MTRES1: variants seen among roughly 807,000 people sequenced by gnomAD.
MTRES1 encodes the protein uncharacterized protein C6orf203.
MTRES1 carries 11 observed loss-of-function variants against 17.4 expected under a neutral mutation model. That is an observed-to-expected ratio of 0.63 (90% confidence interval 0.40 to 1.05). The LOEUF is 1.05. Among genes scored for constraint, MTRES1 ranks in the 50% least tolerant of loss-of-function variants. The probability of loss-of-function intolerance (pLI) is 0.00; values close to 1 mark genes in which losing one functional copy is unlikely to be tolerated. For synonymous variants in MTRES1, 94 were observed against 99.6 expected (o/e 0.94, Z 0.34); for missense variants, 268 against 276.2 (o/e 0.97, Z 0.21).
chr6:107,043,855 G>A (rs188668913), intron 2 of MTRES1, among the ~76,000 whole-genome samples: 6 of 152,326 alleles, frequency 3.9e-5, no homozygotes, highest in Non-Finnish European at 8.8e-5. Flanking sequence ...GAGGCCGGAC[G>A]CGGTGGTTCA....
At chr6:107,041,224 CAAAA>C (rs55820077) in intron 2 of MTRES1, among the ~76,000 whole-genome samples, 19 of 122,856 alleles carry the variant, frequency 1.5e-4, no homozygotes, top group African/African-American at 2.0e-4. Flanking sequence ...GACTCCGTCT[CAAAA>C]AAAAAAAAAA....
At position 107,051,331 on chromosome 6, in the gene MTRES1, G is replaced by T; in HGVS notation, c.*95G>T. Reference sequence around the variant, plus strand: ...TTTTTATTAAAATAAAGTTCTCTTAGCGTTTGTGGAATCTGCCGAGCCATT... The same window carrying T: ...TTTTTATTAAAATAAAGTTCTCTTATCGTTTGTGGAATCTGCCGAGCCATT... On this transcript the variant is annotated 3_prime_UTR_variant, in exon 4 of 4. Coordinates refer to ENST00000311381, the MANE Select transcript of MTRES1 (RefSeq NM_016487.5). 8.7e-7 allele frequency: 1 copy of T among 1,151,078 alleles called. No individual in the cohort carries two copies. Among genetic ancestry groups the T allele is most frequent in the East Asian group, 2.5e-5 (1 of 39,620 alleles). The allele number at this position is 1,151,078 out of a possible 1,614,324, so 71.3% of individuals were successfully genotyped here.
At chr6:107,050,587 G>A (rs12208410) in intron 3 of MTRES1, among the ~76,000 whole-genome samples, 11,085 of 47,500 alleles carry the variant, frequency 0.23, 561 homozygotes, top group South Asian at 0.36. Context: ...CGTTTTTTTC[G>A]TTTTTTTGAG....
intron 1 of MTRES1, chr6:107,028,826 A>T: frequency 1.1e-6 from 1 of 943,344 alleles, no homozygotes; most frequent in Non-Finnish European, 1.3e-6. Flanking sequence ...CCTCTCCTGA[A>T]GATGTCACCC....
chr6:107,041,237 AAAAAAG>A (rs202083820), intron 2 of MTRES1, among the ~76,000 whole-genome samples: 28,864 of 150,494 alleles, frequency 0.19, 3,545 homozygotes, highest in Middle Eastern at 0.33. Flanking sequence ...AAAAAAAAAA[AAAAAAG>A]AATGCAGGCT....
intron 3 of MTRES1, among the ~76,000 whole-genome samples, chr6:107,050,459 G>A (rs185431594): frequency 1.1e-4 from 16 of 151,288 alleles, no homozygotes; most frequent in Admixed American, 4.6e-4. Flanking sequence ...GCTACTCTGC[G>A]CAGGGACTAT....
intron 3 of MTRES1, among the ~76,000 whole-genome samples, chr6:107,049,981 A>G (rs949747038): frequency 6.6e-6 from 1 of 152,192 alleles, no homozygotes; most frequent in Non-Finnish European, 1.5e-5. Flanking sequence ...TTGGCCTCCC[A>G]AAGTGCTGGG....
intron 1 of MTRES1, among the ~76,000 whole-genome samples, chr6:107,039,381 G>A (rs1554227286): frequency 1.3e-5 from 2 of 151,816 alleles, no homozygotes; most frequent in Admixed American, 1.3e-4. Flanking sequence ...GTGCAGTGGC[G>A]TGATCTCAGC....
intron 2 of MTRES1, 43 bp from the exon 3 acceptor site, chr6:107,044,217 A>G (rs1442028301): frequency 8.9e-6 from 13 of 1,453,934 alleles, no homozygotes; most frequent in Non-Finnish European, 1.2e-5. Context: ...GAGTGTACCC[A>G]TCACCCAAAT....
In MTRES1 at chr6:107,040,102, G is replaced by A; in HGVS notation, c.342G>A (p.Glu114=). 1 of 1,613,860 alleles carries A rather than the reference G, an allele frequency of 6.2e-7. No individual in the cohort carries two copies. The highest frequency in any genetic ancestry group is 8.5e-7 in the Non-Finnish European group (1 of 1,180,028). The change falls in exon 2 of 4, where the codon GAG becomes GAA. Residue 114 remains glutamate (E), a synonymous_variant. Transcript: ENST00000311381. ...CTGATGAAGAAAGCCATCATGATGA[G>A]ATGAGTGAGCAGGAAGAGGAGCTTG... ...EDSDEESHHD[E]MSEQEEELED...
intron 1 of MTRES1, among the ~76,000 whole-genome samples, chr6:107,029,244 G>A (rs1346660405): frequency 2.8e-5 from 4 of 145,096 alleles, no homozygotes; most frequent in Admixed American, 1.4e-4. Flanking sequence ...CTGGAGTGCA[G>A]TGGCGCGATC....
chr6:107,048,145 C>CT (rs1436470574), intron 3 of MTRES1, among the ~76,000 whole-genome samples: 3 of 151,680 alleles, frequency 2.0e-5, no homozygotes, highest in Admixed American at 1.3e-4. Flanking sequence ...CCTTGTATTT[C>CT]TTTTTTTTGA....
At chr6:107,047,902 CAAAA>C (rs1369098144) in intron 3 of MTRES1, among the ~76,000 whole-genome samples, 1 of 151,598 alleles carries the variant, frequency 6.6e-6, no homozygotes, top group Non-Finnish European at 1.5e-5. Context: ...AGAAAACAAA[CAAAA>C]AAAGAATTTT....
intron 2 of MTRES1, among the ~76,000 whole-genome samples, chr6:107,043,183 A>T (rs920951639): frequency 6.6e-6 from 1 of 152,010 alleles, no homozygotes; most frequent in African/African-American, 2.4e-5. Context: ...TACAAAAAAA[A>T]ATTACCCAGG....
intron 2 of MTRES1, among the ~76,000 whole-genome samples, chr6:107,042,605 G>C (rs1774256982): frequency 6.6e-6 from 1 of 152,164 alleles, no homozygotes; most frequent in South Asian, 2.1e-4. Context: ...GTTAAGTTCA[G>C]AGAGATCAGC....
chr6:107,051,183 G>T lies in MTRES1; in HGVS notation c.670G>T (p.Val224Leu), dbSNP rs1774592828. The change falls in exon 4 of 4, where the codon GTG becomes TTG. Residue 224 changes from valine (V) to leucine (L), a missense_variant. Physicochemically the swap from Val to Leu is conservative, Grantham distance 32. Transcript: ENST00000311381. Reference protein sequence around the residue: ...EKTESEKYRVVLRRWKSLKLP... With the variant: ...EKTESEKYRVLLRRWKSLKLP... ...GACTGAAAGTGAAAAATACAGAGTG[G>T]TGTTACGGCGGTGGAAAAGTTTAAA... The T allele has an allele frequency of 6.2e-7, 1 of 1,613,862 alleles. No homozygotes were observed. Among genetic ancestry groups the T allele is most frequent in the African/African-American group, 1.3e-5 (1 of 74,926 alleles).
At position 107,051,286 on chromosome 6, in the gene MTRES1, G is replaced by A; in HGVS notation, c.*50G>A. The A allele has an allele frequency of 1.4e-6, 2 of 1,435,522 alleles. No individual in the cohort carries two copies. The highest frequency in any genetic ancestry group is 1.9e-6 in the Non-Finnish European group (2 of 1,049,624). The allele number at this position is 1,435,522 out of a possible 1,614,324, so 88.9% of individuals were successfully genotyped here. A position where few individuals can be genotyped will look rare whatever the true frequency, so the allele number is the denominator to read the frequency against. ...CTGCTTTCTAGTGGTAAAGGAAGGG[G>A]TCACCTGAAAAATAGGACATTTTTA... On this transcript the variant is annotated 3_prime_UTR_variant, in exon 4 of 4. Coordinates refer to ENST00000311381, the MANE Select transcript of MTRES1 (RefSeq NM_016487.5).
intron 1 of MTRES1, chr6:107,028,611 C>G (rs1475203793): frequency 6.6e-6 from 1 of 152,360 alleles, no homozygotes; most frequent in Non-Finnish European, 1.5e-5. Flanking sequence ...TGTCTCAGCC[C>G]ACAGCCTCCG....
At position 107,040,172 on chromosome 6, in the gene MTRES1, G is replaced by A. The variant is rs1554227511; in HGVS notation, c.412G>A (p.Ala138Thr). ...CAAAAACTATAAAGACCTGGAAAAA[G>A]CAGTTCAGTCTTTTCGGTATGATGT... Reference protein sequence around the residue: ...VVKNYKDLEKAVQSFRYDVVL... With the variant: ...VVKNYKDLEKTVQSFRYDVVL... The change falls in exon 2 of 4, where the codon GCA (alanine) becomes ACA (threonine). Residue 138 changes from alanine (A) to threonine (T), a missense_variant. By Grantham distance (58) the Ala-to-Thr change is moderately conservative. Transcript: ENST00000311381. The A allele has an allele frequency of 6.2e-7, 1 of 1,611,540 alleles. No individual in the cohort carries two copies. The highest frequency in any genetic ancestry group is 1.7e-5 in the Admixed American group (1 of 59,390).
Sources: allele counts gnomAD v4.1 joint callset (sites outside exome capture counted in the v4.1 genomes callset), GRCh38; gene constraint gnomAD v4.1.1; transcripts MANE v1.5; gene names NCBI Gene and HGNC (gene_info 2026-07-23, HGNC 2026-07-21).